NRCAM: variants seen among roughly 807,000 people sequenced by gnomAD.
NRCAM encodes the protein NgCAM-related cell adhesion molecule.
In NRCAM, 83 loss-of-function variants were observed where a neutral mutation model predicts 156.5. That is an observed-to-expected ratio of 0.53 (90% confidence interval 0.44 to 0.64). The LOEUF (loss-of-function observed/expected upper bound fraction) is 0.64, where lower values mean the gene tolerates loss of function less well. Ranked by LOEUF, NRCAM falls within the 30% of genes least tolerant of loss-of-function variation. NRCAM has a pLI of 0.00. For synonymous variants in NRCAM, 538 were observed against 563.9 expected (o/e 0.95, Z 0.65); for missense variants, 1,417 against 1,597.3 (o/e 0.89, Z 1.92).
intron 3 of NRCAM, among the ~76,000 whole-genome samples, chr7:108,279,084 G>A (rs769477538): frequency 6.6e-6 from 1 of 152,158 alleles, no homozygotes; most frequent in Non-Finnish European, 1.5e-5. Context: ...CATTATACCA[G>A]GTGACGAGAA....
chr7:108,336,567 G>T (rs1017525982), intron 2 of NRCAM, among the ~76,000 whole-genome samples: 4 of 152,140 alleles, frequency 2.6e-5, no homozygotes, highest in Admixed American at 1.3e-4. Flanking sequence ...TGCCAGCGAA[G>T]AATATAGTTT....
intron 3 of NRCAM, among the ~76,000 whole-genome samples, chr7:108,274,085 T>G (rs1048330803): frequency 1.3e-5 from 2 of 152,252 alleles, no homozygotes; most frequent in African/African-American, 4.8e-5. Context: ...GTCTCTGTTC[T>G]GTTCCATTGG....
intron 28 of NRCAM, among the ~76,000 whole-genome samples, chr7:108,170,175 T>C (rs901996517): frequency 2.0e-5 from 3 of 151,390 alleles, no homozygotes; most frequent in South Asian, 4.2e-4. Context: ...GAAATTACCA[T>C]ATATATATAT....
intron 2 of NRCAM, among the ~76,000 whole-genome samples, chr7:108,333,565 T>A (rs942295529): frequency 5.3e-5 from 8 of 152,144 alleles, no homozygotes; most frequent in South Asian, 2.1e-4. Context: ...TAGAAAAAAA[T>A]TTAACAAATT....
At chr7:108,203,804 C>T (rs1306985883) in intron 13 of NRCAM, among the ~76,000 whole-genome samples, 5 of 152,210 alleles carry the variant, frequency 3.3e-5, no homozygotes, top group Non-Finnish European at 7.3e-5. Context: ...GCCTCACCCG[C>T]AGCAGCTGGT....
At chr7:108,236,302 C>G (rs2094986639) in intron 5 of NRCAM, among the ~76,000 whole-genome samples, 1 of 152,178 alleles carries the variant, frequency 6.6e-6, no homozygotes. Flanking sequence ...AAGTACAAAT[C>G]AAAAGCTAGC....
intron 2 of NRCAM, among the ~76,000 whole-genome samples, chr7:108,320,332 C>T (rs1396863875): frequency 6.6e-6 from 1 of 152,044 alleles, no homozygotes; most frequent in African/African-American, 2.4e-5. Flanking sequence ...TGGTGGCATG[C>T]ACCTGTGGTC....
intron 19 of NRCAM, 124 bp from the exon 20 acceptor site, chr7:108,189,870 T>C (rs988420173): frequency 5.4e-6 from 3 of 558,634 alleles, no homozygotes; most frequent in African/African-American, 3.9e-5. Context: ...TCAATGAGCA[T>C]GCAACTGAAA....
intron 11 of NRCAM, among the ~76,000 whole-genome samples, chr7:108,213,029 A>T (rs2085572113): frequency 6.6e-6 from 1 of 152,160 alleles, no homozygotes; most frequent in South Asian, 2.1e-4. Context: ...AACACCTATC[A>T]GATTAACAGC....
At chr7:108,371,953 C>T (rs10953568) in intron 2 of NRCAM, among the ~76,000 whole-genome samples, 30,191 of 152,042 alleles carry the variant, frequency 0.2, 3,574 homozygotes, top group East Asian at 0.48. Flanking sequence ...CATCACACTT[C>T]CTGATTTCAA....
chr7:108,375,538 C>G (rs1030188756), intron 2 of NRCAM, among the ~76,000 whole-genome samples: 1 of 152,114 alleles, frequency 6.6e-6, no homozygotes, highest in African/African-American at 2.4e-5. Flanking sequence ...CTTCAAGATA[C>G]TCATGAAGTC....
At chr7:108,187,827 C>T (rs1397515045) in intron 20 of NRCAM, among the ~76,000 whole-genome samples, 5 of 151,908 alleles carry the variant, frequency 3.3e-5, no homozygotes, top group African/African-American at 7.3e-5. Flanking sequence ...TGGTGGCGGG[C>T]GCCTGTAGTC....
intron 2 of NRCAM, among the ~76,000 whole-genome samples, chr7:108,350,868 CATA>C (rs2154293123): frequency 6.6e-6 from 1 of 152,200 alleles, no homozygotes; most frequent in South Asian, 2.1e-4. Context: ...CATGATCTTA[CATA>C]AATTTGGGTA....
Position 108,397,488 on chromosome 7 carries a change from G to A in NRCAM, c.-174+1948C>T, listed in dbSNP as rs1455486552. Among the ~76,000 whole-genome samples the A allele has an allele frequency of 2.0e-5, 3 of 152,206 alleles. No individual in the cohort carries two copies. In the East Asian group the frequency reaches 5.8e-4, roughly 29 times the overall value. On this transcript the variant is annotated intron_variant, in intron 2 of 32. Transcript: ENST00000379028. ...TCAGCAGTCTGACTTGGGTGGACTTGCTCTCAAACAGTGCAGGCTCTGTTA... is the reference window on the plus strand; with the variant it reads ...TCAGCAGTCTGACTTGGGTGGACTTACTCTCAAACAGTGCAGGCTCTGTTA...
intron 30 of NRCAM, among the ~76,000 whole-genome samples, chr7:108,164,926 G>C (rs2052849228): frequency 6.6e-6 from 1 of 152,140 alleles, no homozygotes; most frequent in South Asian, 2.1e-4. Flanking sequence ...GCATTACACT[G>C]CTGAGTGAAA....
At chr7:108,187,717 C>A (rs1040435251) in intron 20 of NRCAM, among the ~76,000 whole-genome samples, 1 of 151,778 alleles carries the variant, frequency 6.6e-6, no homozygotes, top group Non-Finnish European at 1.5e-5. Flanking sequence ...TTTGGGAGGC[C>A]GAGGCGGGTG....
At chr7:108,320,523 C>G (rs1246135907) in intron 2 of NRCAM, among the ~76,000 whole-genome samples, 2 of 151,842 alleles carry the variant, frequency 1.3e-5, no homozygotes, top group Non-Finnish European at 2.9e-5. Context: ...CCACTACACT[C>G]CAGCCTGGGT....
intron 11 of NRCAM, among the ~76,000 whole-genome samples, chr7:108,218,796 A>T (rs2090897341): frequency 6.6e-6 from 1 of 152,232 alleles, no homozygotes; most frequent in Non-Finnish European, 1.5e-5. Flanking sequence ...TCACACCTCA[A>T]GGAACTAGAG....
At chr7:108,250,447 AAAAG>A in intron 3 of NRCAM, among the ~76,000 whole-genome samples, 1 of 129,182 alleles carries the variant, frequency 7.7e-6, no homozygotes, top group Admixed American at 7.9e-5. Context: ...AAAAAAAAAA[AAAAG>A]AAAGAGAGAG....
Sources: allele counts gnomAD v4.1 joint callset (sites outside exome capture counted in the v4.1 genomes callset), GRCh38; gene constraint gnomAD v4.1.1; transcripts MANE v1.5; gene names NCBI Gene and HGNC (gene_info 2026-07-23, HGNC 2026-07-21).